CHST15: variants seen among roughly 807,000 people sequenced by gnomAD.
CHST15 encodes the protein carbohydrate sulfotransferase 15.
CHST15 carries 30 observed loss-of-function variants against 53.6 expected under a neutral mutation model. The ratio of observed to expected loss-of-function variants is 0.56; its 90% confidence interval spans 0.42 to 0.76. The LOEUF (loss-of-function observed/expected upper bound fraction) is 0.76. Ranked by LOEUF, CHST15 falls within the 30% of genes least tolerant of loss-of-function variation. The probability of loss-of-function intolerance (pLI) is 0.00; values close to 1 mark genes in which losing one functional copy is unlikely to be tolerated. For missense variants in CHST15, 627 were observed against 740.5 expected (o/e 0.85, Z 1.78); for synonymous variants, 296 against 289.8 (o/e 1.02, Z -0.22).
At chr10:124,089,821 T>C (rs1949550609) in intron 1 of CHST15, among the ~76,000 whole-genome samples, 2 of 152,170 alleles carry the variant, frequency 1.3e-5, no homozygotes, top group South Asian at 4.1e-4. Context: ...CTTGTCCCCA[T>C]CCCATGAGGG....
intron 1 of CHST15, among the ~76,000 whole-genome samples, chr10:124,080,164 G>A (rs1049021447): frequency 5.9e-5 from 9 of 152,222 alleles, no homozygotes; most frequent in African/African-American, 1.7e-4. Context: ...GAGACGGGAC[G>A]GGGAGAAGGC....
intron 1 of CHST15, among the ~76,000 whole-genome samples, chr10:124,090,450 A>G (rs1949570258): frequency 6.6e-6 from 1 of 152,164 alleles, no homozygotes; most frequent in South Asian, 2.1e-4. Flanking sequence ...GTCCAGCACT[A>G]ATCTACAGCT....
intron 5 of CHST15, among the ~76,000 whole-genome samples, chr10:124,035,754 A>G (rs1036840579): frequency 6.6e-6 from 1 of 152,176 alleles, no homozygotes; most frequent in Non-Finnish European, 1.5e-5. Context: ...CCTTGTTTAC[A>G]CAGCAAACTC....
chr10:124,038,486 C>T (rs1947607127), intron 5 of CHST15, 29 bp downstream of exon 5: 1 of 1,608,496 alleles, frequency 6.2e-7, no homozygotes, highest in African/African-American at 1.3e-5. Context: ...CTCTTCTCAC[C>T]CCAAATACAA....
chr10:124,042,690 G>A (rs1947789971), intron 3 of CHST15, among the ~76,000 whole-genome samples: 1 of 152,178 alleles, frequency 6.6e-6, no homozygotes, highest in South Asian at 2.1e-4. Flanking sequence ...CACTAAGCTA[G>A]ACAGTGGCAG....
chr10:124,024,048 T>C lies in CHST15; in HGVS notation c.1191-2636A>G, dbSNP rs1337845246. On this transcript the variant is annotated intron_variant, in intron 5 of 7. Transcript: ENST00000435907. The surrounding 1 kb of genome is among the most constrained non-coding windows in gnomAD (Gnocchi z 4.0). ...TTAGTAGGGACAGGGTTTCACTGTG[T>C]TGGCCAGGCTGGTCTCGAACTCCAG... Among the ~76,000 whole-genome samples, 1 of 152,148 alleles carries C rather than the reference T, an allele frequency of 6.6e-6. No individual in the cohort carries two copies. The highest frequency in any genetic ancestry group is 2.4e-5 in the African/African-American group (1 of 41,432).
rs578108166 is a variant in CHST15 at position 124,034,654 on chromosome 10, A to C, written c.1190+3861T>G. On this transcript the variant is annotated intron_variant, in intron 5 of 7. Coordinates refer to ENST00000435907, the MANE Select transcript of CHST15 (RefSeq NM_001270764.2). ...TGATAGGTACCCTGGCTCCACCCCT[A>C]ACAGGGACCCCGGCTCTACCCCCTA... is the stretch of plus-strand genomic sequence containing the variant. 5.1e-3 allele frequency among the ~76,000 whole-genome samples: 618 copies of C among 120,386 alleles called. 9 individuals carry two copies. The highest frequency in any genetic ancestry group is 0.019 in the African/African-American group (543 of 28,330). The allele number at this position is 120,386 out of a possible 152,430, so 79.0% of individuals were successfully genotyped here. A position where few individuals can be genotyped will look rare whatever the true frequency, so the allele number is the denominator to read the frequency against.
chr10:124,025,923 C>A (rs1449859677), intron 5 of CHST15, among the ~76,000 whole-genome samples: 1 of 152,134 alleles, frequency 6.6e-6, no homozygotes, highest in Non-Finnish European at 1.5e-5. Flanking sequence ...ACCAACCCTG[C>A]AGACATCTTG....
At chr10:124,034,483 G>C (rs759589093) in intron 5 of CHST15, among the ~76,000 whole-genome samples, 9 of 151,908 alleles carry the variant, frequency 5.9e-5, no homozygotes, top group Non-Finnish European at 2.9e-5. Flanking sequence ...GGTGGGACCA[G>C]AACTCCAGGA....
At chr10:124,090,321 C>T (rs577429613) in intron 1 of CHST15, among the ~76,000 whole-genome samples, 1 of 152,332 alleles carries the variant, frequency 6.6e-6, no homozygotes, top group Non-Finnish European at 1.5e-5. Flanking sequence ...TAGTCTGTCC[C>T]CTGTAGATGG....
chr10:124,078,617 C>A (rs1949149597), intron 1 of CHST15, among the ~76,000 whole-genome samples: 1 of 152,184 alleles, frequency 6.6e-6, no homozygotes, highest in African/African-American at 2.4e-5. Context: ...ACCCGTGGAA[C>A]CTGTGAAATT....
At chr10:124,075,922 C>A (rs372136128) in intron 1 of CHST15, among the ~76,000 whole-genome samples, 34 of 152,206 alleles carry the variant, frequency 2.2e-4, no homozygotes, top group African/African-American at 8.0e-4. Context: ...ATGCACTATG[C>A]CCCCCTCAAC....
intron 5 of CHST15, among the ~76,000 whole-genome samples, chr10:124,027,976 T>G (rs1167014245): frequency 6.6e-6 from 1 of 152,242 alleles, no homozygotes; most frequent in Non-Finnish European, 1.5e-5. Context: ...TGTTTAGGTG[T>G]TTTTATTATT....
chr10:124,056,753 G>T (rs184464884), intron 1 of CHST15, among the ~76,000 whole-genome samples: 1 of 152,150 alleles, frequency 6.6e-6, no homozygotes, highest in Non-Finnish European at 1.5e-5. Context: ...AGTTGGACAC[G>T]CTGCGGCCCA....
chr10:124,058,787 A>G (rs868732418), intron 1 of CHST15, among the ~76,000 whole-genome samples: 2 of 152,238 alleles, frequency 1.3e-5, no homozygotes, highest in Non-Finnish European at 2.9e-5. Flanking sequence ...AAAGCATGGC[A>G]AATATCCAGC....
intron 1 of CHST15, among the ~76,000 whole-genome samples, chr10:124,051,476 A>G (rs1487914893): frequency 6.6e-6 from 1 of 152,230 alleles, no homozygotes; most frequent in East Asian, 1.9e-4. Flanking sequence ...TTCTTCCTTC[A>G]GAAAGGAGTC....
intron 1 of CHST15, among the ~76,000 whole-genome samples, chr10:124,084,166 C>G (rs1949342513): frequency 6.6e-6 from 1 of 152,180 alleles, no homozygotes; most frequent in African/African-American, 2.4e-5. Context: ...GGAGGAGGAG[C>G]TGACCCTCCC....
At chr10:124,093,084 G>A (rs919249199) in intron 1 of CHST15, among the ~76,000 whole-genome samples, 2 of 152,206 alleles carry the variant, frequency 1.3e-5, no homozygotes, top group Non-Finnish European at 2.9e-5. Flanking sequence ...CCCTTCCCGC[G>A]GGGTCCTCAA....
intron 6 of CHST15, 143 bp downstream of exon 6, chr10:124,021,113 G>C (rs1946761926): frequency 1.3e-6 from 2 of 1,505,706 alleles, no homozygotes; most frequent in Non-Finnish European, 1.8e-6. Context: ...CATGAATAAT[G>C]GGGAACAGCA....
Sources: gnomAD v4.1 joint callset for allele counts (sites outside exome capture counted in the v4.1 genomes callset) on GRCh38, gnomAD v4.1.1 for gene constraint, Gnocchi (gnomAD v3.1) non-coding constraint, MANE v1.5 for transcripts, NCBI Gene and HGNC (gene_info 2026-07-23, HGNC 2026-07-21) for gene names.